Variants in SCRIB observed in about 807,000 individuals in gnomAD.
The protein encoded by SCRIB is scribble planar cell polarity protein.
A neutral mutation model predicts 170.0 loss-of-function variants in SCRIB; 72 were observed. The ratio of observed to expected loss-of-function variants is 0.42; its 90% CI spans 0.35 to 0.52. The LOEUF (loss-of-function observed/expected upper bound fraction) is 0.52, where lower values mean the gene tolerates loss of function less well. SCRIB is among the 20% of genes least tolerant of loss of function. The pLI, the probability that SCRIB is intolerant of heterozygous loss-of-function variation, is 0.02. For synonymous variants in SCRIB, 1,298 were observed against 1,044.3 expected, an observed-to-expected ratio of 1.24 and a Z score of -4.68; for missense variants, 2,475 against 2,338.5, an observed-to-expected ratio of 1.06 and a Z score of -1.20.
chr8:143,800,819 C>T lies in SCRIB; in HGVS notation c.3603+2564G>A, dbSNP rs1297045305. On this transcript the variant is annotated intron_variant, in intron 24 of 36. Transcript: ENST00000356994. ...TGAGCCCGGCAGGGCGAGCCTGCGG[C>T]GTGCAGCGACTGTGCCGCTACTCCA... is the stretch of plus-strand genomic sequence containing the variant. Among the ~76,000 whole-genome samples the T allele has an allele frequency of 4.6e-5, 7 of 152,248 alleles. No individual in the cohort carries two copies. The South Asian group carries it at 1.0e-3, about 22-fold the overall frequency.
chr8:143,810,223 T>G (rs1397103381), intron 13 of SCRIB, among the ~76,000 whole-genome samples: 1 of 151,892 alleles, frequency 6.6e-6, no homozygotes, highest in Admixed American at 6.6e-5. Context: ...CCATTCCCTG[T>G]GCTCCCAGGC....
intron 24 of SCRIB, among the ~76,000 whole-genome samples, chr8:143,803,170 C>A (rs1226929558): frequency 2.0e-5 from 3 of 152,202 alleles, no homozygotes; most frequent in Non-Finnish European, 4.4e-5. Flanking sequence ...GACTGGGCCT[C>A]TGGACAGCTC....
chr8:143,815,199 C>G lies in SCRIB; in HGVS notation c.159+15G>C, dbSNP rs1816019758. On this transcript the variant is annotated intron_variant, in intron 1 of 36. Transcript: ENST00000356994. ...GGGGCGCGCCTTTGGGCGGCAGGTG[C>G]GGGCGGCCGCTCACCTTGGGCAGCT... The G allele has an allele frequency of 6.4e-7, 1 of 1,554,524 alleles. No individual in the cohort carries two copies. The highest frequency in any genetic ancestry group is 8.6e-7 in the Non-Finnish European group (1 of 1,157,036).
At position 143,804,785 on chromosome 8, in the gene SCRIB, G is replaced by A. The variant is rs1165370924; in HGVS notation, c.2792C>T (p.Ala931Val). The A allele has an allele frequency of 1.2e-6, 2 of 1,600,164 alleles. No homozygotes were observed. Among genetic ancestry groups the A allele is most frequent in the Non-Finnish European group, 1.7e-6 (2 of 1,176,678 alleles). Residue 931 changes from alanine to valine, a missense_variant, in exon 21 of 37, where the codon GCC becomes GTC. By Grantham distance (64) the Ala-to-Val change is moderately conservative. Coordinates refer to ENST00000356994, the MANE Select transcript of SCRIB (RefSeq NM_182706.5). The stretch of plus-strand genomic sequence containing the variant: ...GGAGGCAGCGGTCAGCAGGGAGACG[G>A]CGTGGTCATGCCTGGCCTCAGTCAC... ...VDVTEARHDH[A>V]VSLLTAASPT...
At chr8:143,812,770 G>A (rs1815801829) in intron 8 of SCRIB, 47 bp downstream of exon 8, 2 of 1,584,380 alleles carry the variant, frequency 1.3e-6, no homozygotes, top group Non-Finnish European at 1.7e-6. Flanking sequence ...GCTCCTCCCA[G>A]GGCCAGGCTC....
intron 3 of SCRIB, 33 bp from the exon 4 acceptor site, chr8:143,813,759 C>A: frequency 6.2e-7 from 1 of 1,611,602 alleles, no homozygotes. Flanking sequence ...CCTCGGATGA[C>A]CAGTCCAGGG....
chr8:143,808,126 G>A (rs1815514674), intron 15 of SCRIB, among the ~76,000 whole-genome samples: 1 of 152,200 alleles, frequency 6.6e-6, no homozygotes, highest in African/African-American at 2.4e-5. Context: ...GATCCCAGGA[G>A]AGCCCAGTGA....
chr8:143,798,519 C>CA (rs1233977803), intron 24 of SCRIB, among the ~76,000 whole-genome samples: 1 of 152,210 alleles, frequency 6.6e-6, no homozygotes, highest in Non-Finnish European at 1.5e-5. Context: ...AGGCTGGACT[C>CA]AAATTCCTGG....
At position 143,813,014 on chromosome 8, in the gene SCRIB, C is replaced by T; in HGVS notation, c.642+16G>A. The T allele has an allele frequency of 6.2e-7, 1 of 1,607,346 alleles. No individual in the cohort carries two copies. Among genetic ancestry groups the T allele is most frequent in the South Asian group, 1.1e-5 (1 of 90,128 alleles). On this transcript the variant is annotated intron_variant, in intron 7 of 36. Coordinates refer to ENST00000356994, the MANE Select transcript of SCRIB (RefSeq NM_182706.5). ...GGATGGGCACGAAGCAGGGGGCCAG[C>T]CCCACCCTGACTCACCGGGGGCAGT...
At position 143,804,718 on chromosome 8, in the gene SCRIB, A is replaced by G. The variant is rs1554635934; in HGVS notation, c.2859T>C (p.Pro953=). The G allele has an allele frequency of 5.0e-6, 8 of 1,586,146 alleles. No homozygotes were observed. The South Asian group carries it at 9.3e-5, about 18-fold the overall frequency. Residue 953 remains proline, a synonymous_variant, in exon 21 of 37, where the codon CCT becomes CCC. Transcript: ENST00000356994. ...AATGTGGCAGAGGGCTGGGAGGAAGAGGGCCCCCAGCCTCCCGCTCCAACA... is the reference window on the plus strand; with the variant it reads ...AATGTGGCAGAGGGCTGGGAGGAAGGGGGCCCCCAGCCTCCCGCTCCAACA... ...ALLLEREAGG[P]LPPSPLPHSS...
At position 143,812,258 on chromosome 8, in the gene SCRIB, G is replaced by A. The variant is rs750107616; in HGVS notation, c.906+8C>T. On this transcript the variant is annotated splice_region_variant and intron_variant, in intron 9 of 36. Transcript: ENST00000356994. ...CCCATCCTTTCTGCCTCCCAAGCCA[G>A]ACCCTACCATCAGCAGGTTCTCCGT... 3 of 1,577,630 alleles carry A rather than the reference G, an allele frequency of 1.9e-6. No homozygotes were observed. The highest frequency in any genetic ancestry group is 2.2e-5 in the South Asian group (2 of 90,308).
Position 143,815,219 on chromosome 8 carries a change from G to A in SCRIB, c.154C>T (p.Pro52Ser). ...AGGTGCGGGCGGCCGCTCACCTTGG[G>A]CAGCTCGCGCAGCTGGTTGGCGTCG... Reference protein sequence around the residue: ...LLDANQLRELPKPFFRLLNLR... With the variant: ...LLDANQLRELSKPFFRLLNLR... The change falls in exon 1 of 37, where the codon CCC becomes TCC. Residue 52 changes from proline to serine, a missense_variant. Pro to Ser is a moderately conservative substitution (Grantham distance 74). Transcript: ENST00000356994. The A allele has an allele frequency of 6.3e-7, 1 of 1,581,544 alleles. No homozygotes were observed. Among genetic ancestry groups the A allele is most frequent in the Non-Finnish European group, 8.5e-7 (1 of 1,170,526 alleles).
In SCRIB at chr8:143,792,335, GGC is replaced by G; in HGVS notation, c.4397_4398del (p.Arg1466ProfsTer107). On this transcript the variant is annotated frameshift_variant, in exon 32 of 37. Coordinates refer to ENST00000356994, the MANE Select transcript of SCRIB (RefSeq NM_182706.5). LOFTEE classifies it high-confidence loss of function. ...APVRTAKAER[R>X]HQERLRVQSP... ...CTCTGCACGCGCAGCCGCTCCTGGT[GGC>G]GCCGTTCAGCTTTGGCCGTCCGCAC... 1 of 1,546,400 alleles carries G rather than the reference GGC, an allele frequency of 6.5e-7. No individual in the cohort carries two copies. The highest frequency in any genetic ancestry group is 8.7e-7 in the Non-Finnish European group (1 of 1,152,498).
chr8:143,813,207 C>T (rs1815835320), intron 6 of SCRIB, 103 bp from the exon 7 acceptor site: 16 of 1,587,832 alleles, frequency 1.0e-5, no homozygotes, highest in Non-Finnish European at 1.4e-5. Flanking sequence ...ACCCGCCTGC[C>T]CTCCCGAGGT....
intron 18 of SCRIB, among the ~76,000 whole-genome samples, chr8:143,806,052 T>A (rs782145448): frequency 6.6e-6 from 1 of 152,086 alleles, no homozygotes; most frequent in African/African-American, 2.4e-5. Context: ...GACCTGCCAG[T>A]AGCCTGACCC....
chr8:143,812,321 G>A lies in SCRIB; in HGVS notation c.851C>T (p.Ala284Val), dbSNP rs1251436390. The A allele has an allele frequency of 1.9e-6, 3 of 1,613,576 alleles. No individual in the cohort carries two copies. Among genetic ancestry groups the A allele is most frequent in the Admixed American group, 1.7e-5 (1 of 59,996 alleles). ...DQNRLCEVTE[A>V]IGDCENLSEL... ...AGAGAGGTTCTCACAGTCCCCGATGGCCTCGGTCACCTCGCACAGCCGATT... is the reference window on the plus strand; with the variant it reads ...AGAGAGGTTCTCACAGTCCCCGATGACCTCGGTCACCTCGCACAGCCGATT... Residue 284 changes from alanine (A) to valine (V), a missense_variant, in exon 9 of 37, where the codon GCC becomes GTC. By Grantham distance (64) the Ala-to-Val change is moderately conservative. Around this residue, in one of 3 missense-constraint regions of SCRIB, gnomAD observed 487 missense variants for 558.1 expected, o/e 0.87. Transcript: ENST00000356994.
At chr8:143,796,106 G>A (rs781813277) in intron 24 of SCRIB, among the ~76,000 whole-genome samples, 14 of 152,196 alleles carry the variant, frequency 9.2e-5, no homozygotes, top group Non-Finnish European at 2.1e-4. Flanking sequence ...GATAGCTCAG[G>A]CAGGGCAGAG....
In SCRIB at chr8:143,809,700, C is replaced by T. The variant is rs748272556; in HGVS notation, c.1549G>A (p.Glu517Lys). ...PAEEEKRLSA[E>K]SGLSEDSRPS... ...CGAGAGTCTTCACTCAGGCCAGACT[C>T]GGCACTCAGCCGCTTCTCCTGCGGC... The change falls in exon 14 of 37, where the codon GAG becomes AAG. Residue 517 changes from glutamate (E) to lysine (K), a missense_variant. Glu to Lys is a moderately conservative substitution (Grantham distance 56). Transcript: ENST00000356994. 2.6e-5 allele frequency: 42 copies of T among 1,609,428 alleles called. No individual in the cohort carries two copies. The highest frequency in any genetic ancestry group is 3.3e-4 in the Middle Eastern group (2 of 6,056).
In SCRIB at chr8:143,808,702, TTCC is replaced by T. The variant is rs753699917; in HGVS notation, c.2019_2021del (p.Glu679del). On this transcript the variant is annotated inframe_deletion, in exon 15 of 37. Transcript: ENST00000356994. Reference sequence around the variant, plus strand: ...CAGCCCTGTTTTCCTCCTCCTCCTCTTCCTCCTCCTCCTGAGGACTACCCTCTT... The same window carrying T: ...CAGCCCTGTTTTCCTCCTCCTCCTCTTCCTCCTCCTGAGGACTACCCTCTT... 5 of 1,555,282 alleles carry T rather than the reference TTCC, an allele frequency of 3.2e-6. No homozygotes were observed. Among genetic ancestry groups the T allele is most frequent in the Admixed American group, 1.9e-5 (1 of 51,628 alleles).
Sources: gnomAD v4.1 joint callset for allele counts (sites outside exome capture counted in the v4.1 genomes callset) on GRCh38, gnomAD v4.1.1 for gene constraint, gnomAD v4.1.1 regional missense constraint, MANE v1.5 for transcripts, NCBI Gene and HGNC (gene_info 2026-07-23, HGNC 2026-07-21) for gene names.